KCNH7: variants seen among roughly 807,000 people sequenced by gnomAD.
KCNH7 encodes the protein voltage-gated inwardly rectifying potassium channel KCNH7.
KCNH7 carries 49 observed loss-of-function variants against 120.8 expected under a neutral mutation model. That is an observed-to-expected ratio of 0.41 (90% CI 0.32 to 0.51). The LOEUF is 0.51. KCNH7 is among the 20% of genes least tolerant of loss of function. The probability of loss-of-function intolerance (pLI) is 0.38; values close to 1 mark genes in which losing one functional copy is unlikely to be tolerated. For synonymous variants in KCNH7, 547 were observed against 516.1 expected, an observed-to-expected ratio of 1.06 and a Z score of -0.81; for missense variants, 1,097 against 1,446.6, an observed-to-expected ratio of 0.76 and a Z score of 3.92.
intron 2 of KCNH7, among the ~76,000 whole-genome samples, chr2:162,608,240 G>A (rs916210932): frequency 1.3e-5 from 2 of 152,166 alleles, no homozygotes; most frequent in African/African-American, 4.8e-5. Context: ...AGACCAGAGA[G>A]AGACTCTGTG....
chr2:162,532,551 T>C (rs1489186429), intron 3 of KCNH7, among the ~76,000 whole-genome samples: 1 of 151,958 alleles, frequency 6.6e-6, no homozygotes, highest in Admixed American at 6.6e-5. Flanking sequence ...CCAAATACTA[T>C]GTCATATCTA....
intron 5 of KCNH7, among the ~76,000 whole-genome samples, chr2:162,507,506 C>A (rs1690921000): frequency 6.6e-6 from 1 of 151,584 alleles, no homozygotes; most frequent in South Asian, 2.1e-4. Context: ...AGATCTGCCA[C>A]AACTTCTCTA....
intron 2 of KCNH7, among the ~76,000 whole-genome samples, chr2:162,704,544 T>G (rs770418075): frequency 1.3e-5 from 2 of 152,212 alleles, no homozygotes; most frequent in Non-Finnish European, 2.9e-5. Context: ...AACTTTTGTC[T>G]TTTTGAAGAG....
intron 4 of KCNH7, among the ~76,000 whole-genome samples, chr2:162,517,328 G>T (rs552868561): frequency 2.0e-5 from 3 of 151,682 alleles, no homozygotes; most frequent in African/African-American, 4.8e-5. Context: ...GGAAAGAGTC[G>T]GTCAATGAAC....
chr2:162,491,359 G>A (rs928993558), intron 6 of KCNH7, among the ~76,000 whole-genome samples: 2 of 152,146 alleles, frequency 1.3e-5, no homozygotes, highest in African/African-American at 4.8e-5. Flanking sequence ...CTATGCAAGA[G>A]GTTTTTTTGT....
At chr2:162,510,891 T>G (rs891142922) in intron 5 of KCNH7, among the ~76,000 whole-genome samples, 1 of 151,724 alleles carries the variant, frequency 6.6e-6, no homozygotes, top group Non-Finnish European at 1.5e-5. Flanking sequence ...TAATGAAGAC[T>G]TTGGATTGAA....
At chr2:162,634,939 A>G (rs1049751702) in intron 2 of KCNH7, among the ~76,000 whole-genome samples, 3 of 152,108 alleles carry the variant, frequency 2.0e-5, no homozygotes, top group Non-Finnish European at 4.4e-5. Flanking sequence ...CTTTTGTAAA[A>G]TATAGCACCA....
intron 2 of KCNH7, among the ~76,000 whole-genome samples, chr2:162,765,992 A>G (rs1186847444): frequency 6.6e-6 from 1 of 152,134 alleles, no homozygotes; most frequent in Non-Finnish European, 1.5e-5. Flanking sequence ...CCTAGCCTAA[A>G]GCCATCCTCC....
Position 162,788,988 on chromosome 2 carries a change from TAAAAAAAAAAAA to T in KCNH7, c.307+47537_307+47548del, listed in dbSNP as rs61348204. 2.9e-5 allele frequency among the ~76,000 whole-genome samples: 3 copies of T among 105,164 alleles called. No individual in the cohort carries two copies. The Admixed American group carries it at 3.1e-4, about 11-fold the overall frequency. The allele number at this position is 105,164 out of a possible 152,430, so 69.0% of individuals were successfully genotyped here. On this transcript the variant is annotated intron_variant, in intron 2 of 15. Transcript: ENST00000332142. The stretch of plus-strand genomic sequence containing the variant: ...TGGGATGATATAGTCAGGTACTGGT[TAAAAAAAAAAAA>T]AAAAAAAAAAAAATCCAAAACTGTC...
chr2:162,769,915 G>A (rs906257092), intron 2 of KCNH7, among the ~76,000 whole-genome samples: 2 of 152,008 alleles, frequency 1.3e-5, no homozygotes, highest in African/African-American at 4.8e-5. Flanking sequence ...TTGAACATAG[G>A]TGTATAATCA....
intron 2 of KCNH7, among the ~76,000 whole-genome samples, chr2:162,775,801 T>C (rs1474194694): frequency 6.6e-6 from 1 of 152,206 alleles, no homozygotes; most frequent in Non-Finnish European, 1.5e-5. Flanking sequence ...ATAGACTTGC[T>C]CTATACTGTG....
At chr2:162,476,087 C>T (rs1043737335) in intron 6 of KCNH7, among the ~76,000 whole-genome samples, 4 of 152,148 alleles carry the variant, frequency 2.6e-5, no homozygotes, top group African/African-American at 4.8e-5. Context: ...AAGCCTTGTC[C>T]GGAACATTTA....
rs372048155 is a variant in KCNH7 at position 162,715,559 on chromosome 2, A to G, written c.307+120978T>C. ...TCACCAGGACTTTGTAGCTTCTTTG[A>G]ACAAGATGTTGGAGTAAATTATCTT... On this transcript the variant is annotated intron_variant, in intron 2 of 15. Coordinates refer to ENST00000332142, the MANE Select transcript of KCNH7 (RefSeq NM_033272.4). Among the ~76,000 whole-genome samples, 56 of 152,292 alleles carry G rather than the reference A, an allele frequency of 3.7e-4. No individual in the cohort carries two copies. The South Asian group carries it at 0.011, about 31-fold the overall frequency.
At position 162,400,432 on chromosome 2, in the gene KCNH7, C is replaced by G; in HGVS notation, c.2164G>C (p.Gly722Arg). ...NGIDMNMVLK[G>R]FPECLQADIC... ...TCTGCTTGTAAGCATTCTGGGAAAC[C>G]CTTTAGGACCTGAGGAAAAAAAGAA... The change falls in exon 10 of 16, where the codon GGT becomes CGT. Residue 722 changes from glycine to arginine, a missense_variant. Physicochemically the swap from Gly to Arg is moderately radical, Grantham distance 125 (BLOSUM62 -2). Coordinates refer to ENST00000332142, the MANE Select transcript of KCNH7 (RefSeq NM_033272.4). 6.2e-7 allele frequency: 1 copy of G among 1,611,502 alleles called. No individual in the cohort carries two copies. Among genetic ancestry groups the G allele is most frequent in the South Asian group, 1.1e-5 (1 of 90,982 alleles).
intron 15 of KCNH7, among the ~76,000 whole-genome samples, chr2:162,372,422 G>C (rs1489186498): frequency 6.6e-6 from 1 of 152,038 alleles, no homozygotes; most frequent in East Asian, 1.9e-4. Context: ...TGAGGAATGG[G>C]ATCACTTGAT....
intron 2 of KCNH7, among the ~76,000 whole-genome samples, chr2:162,574,598 AT>A (rs1693606878): frequency 6.6e-6 from 1 of 152,088 alleles, no homozygotes; most frequent in Non-Finnish European, 1.5e-5. Flanking sequence ...TAAGTATTCA[AT>A]GTTATGAATG....
chr2:162,770,248 T>C (rs1682994433), intron 2 of KCNH7, among the ~76,000 whole-genome samples: 1 of 151,458 alleles, frequency 6.6e-6, no homozygotes, highest in Non-Finnish European at 1.5e-5. Flanking sequence ...TAGAGAACAG[T>C]AGAGATGTTT....
intron 5 of KCNH7, among the ~76,000 whole-genome samples, chr2:162,508,639 A>G (rs552260252): frequency 2.0e-5 from 3 of 151,580 alleles, no homozygotes; most frequent in Admixed American, 6.6e-5. Flanking sequence ...GGTATTAACA[A>G]TATCCTTATT....
chr2:162,494,952 C>T (rs534758328), intron 6 of KCNH7, among the ~76,000 whole-genome samples: 1 of 152,232 alleles, frequency 6.6e-6, no homozygotes, highest in African/African-American at 2.4e-5. Context: ...TTTTGTTTTT[C>T]AGAGTCAAGG....
Sources: allele counts gnomAD v4.1 joint callset (sites outside exome capture counted in the v4.1 genomes callset), GRCh38; gene constraint gnomAD v4.1.1; transcripts MANE v1.5; gene names NCBI Gene and HGNC (gene_info 2026-07-23, HGNC 2026-07-21).